Variants in C17orf114 observed in about 807,000 individuals in gnomAD.
C17orf114 encodes uncharacterized protein C17orf114.
At chr17:4,806,360 C>T (rs1672577725), upstream of C17orf114, among the ~76,000 whole-genome samples, 1 of 152,196 alleles carries the variant, frequency 6.6e-6, no homozygotes, top group African/African-American at 2.4e-5. Flanking sequence ...TCCACGCAAA[C>T]TTACAGGAAT....
chr17:4,801,876 G>A (rs578209566), intron 1 of C17orf114, among the ~76,000 whole-genome samples: 18 of 151,852 alleles, frequency 1.2e-4, no homozygotes, highest in African/African-American at 2.7e-4. Context: ...GACTACAGGC[G>A]CCCGCCACCA....
At chr17:4,803,255 G>A (rs762124842), upstream of C17orf114, among the ~76,000 whole-genome samples, 10 of 151,436 alleles carry the variant, frequency 6.6e-5, no homozygotes, top group Middle Eastern at 3.4e-3. Flanking sequence ...CACTGGTTAG[G>A]TGAGTCTATC....
chr17:4,802,138 G>A, intron 1 of C17orf114, 109 bp downstream of exon 1: 1 of 397,302 alleles, frequency 2.5e-6, no homozygotes, highest in South Asian at 1.4e-4. Context: ...CCCACCCAGG[G>A]AGACAGATGA....
exon 2 of C17orf114, chr17:4,801,262 T>TGG: frequency 2.5e-6 from 1 of 398,712 alleles, no homozygotes. Context: ...TAAGCCTTCC[T>TGG]GGAGGTTCAC....
upstream of C17orf114, among the ~76,000 whole-genome samples, chr17:4,805,012 A>T (rs1353083947): frequency 1.3e-5 from 2 of 152,192 alleles, no homozygotes; most frequent in Non-Finnish European, 2.9e-5. Flanking sequence ...CTATCAAAAT[A>T]CAGGGCATTC....
chr17:4,805,333 GCA>G (rs1272464540), upstream of C17orf114, among the ~76,000 whole-genome samples: 1 of 151,952 alleles, frequency 6.6e-6, no homozygotes, highest in Admixed American at 6.6e-5. Flanking sequence ...GGAGGCTGAG[GCA>G]GGAGAGAACC....
chr17:4,805,015 G>A (rs1905611033), upstream of C17orf114, among the ~76,000 whole-genome samples: 1 of 152,088 alleles, frequency 6.6e-6, no homozygotes, highest in Non-Finnish European at 1.5e-5. Context: ...TCAAAATACA[G>A]GGCATTCTTA....
upstream of C17orf114, among the ~76,000 whole-genome samples, chr17:4,804,603 CTTTTT>C (rs35194566): frequency 1.5e-5 from 2 of 134,566 alleles, no homozygotes; most frequent in East Asian, 2.2e-4. Context: ...ATGTTTCTTT[CTTTTT>C]TTTTTTTTTT....
upstream of C17orf114, among the ~76,000 whole-genome samples, chr17:4,804,647 G>A (rs538943184): frequency 6.0e-5 from 9 of 149,644 alleles, no homozygotes; most frequent in South Asian, 2.1e-4. Flanking sequence ...TCACCAGGCC[G>A]GAGTGTAGTG....
At chr17:4,804,936 T>C (rs547244837), upstream of C17orf114, among the ~76,000 whole-genome samples, 3 of 152,260 alleles carry the variant, frequency 2.0e-5, no homozygotes, top group East Asian at 3.9e-4. Flanking sequence ...TACAATGTAA[T>C]GCACACATCT....
At chr17:4,806,282 T>C (rs1905794329), upstream of C17orf114, among the ~76,000 whole-genome samples, 1 of 152,056 alleles carries the variant, frequency 6.6e-6, no homozygotes, top group African/African-American at 2.4e-5. Flanking sequence ...CAGTTTCTTA[T>C]AAGTTAAACA....
At chr17:4,803,503 C>A (rs1476241125), upstream of C17orf114, among the ~76,000 whole-genome samples, 1 of 133,480 alleles carries the variant, frequency 7.5e-6, no homozygotes, top group Non-Finnish European at 1.5e-5. Flanking sequence ...TGGCTCACTG[C>A]AAACTCTGCC....
chr17:4,804,486 G>A (rs1905593840), upstream of C17orf114, among the ~76,000 whole-genome samples: 1 of 152,004 alleles, frequency 6.6e-6, no homozygotes, highest in African/African-American at 2.4e-5. Context: ...TTCCAAGCGT[G>A]AGCCACTGCG....
upstream of C17orf114, among the ~76,000 whole-genome samples, chr17:4,804,584 T>A (rs1466293598): frequency 6.6e-6 from 1 of 151,016 alleles, no homozygotes; most frequent in Non-Finnish European, 1.5e-5. Flanking sequence ...CTGCCTGAGT[T>A]ACACAGAAAT....
upstream of C17orf114, among the ~76,000 whole-genome samples, chr17:4,802,721 C>T (rs1401961635): frequency 6.6e-6 from 1 of 151,874 alleles, no homozygotes; most frequent in East Asian, 1.9e-4. Context: ...AATTGAAGTG[C>T]CCAAGATGTA....
intron 1 of C17orf114, 25 bp downstream of exon 1, chr17:4,802,222 G>A (rs1321000706): frequency 2.8e-5 from 11 of 399,250 alleles, no homozygotes; most frequent in Admixed American, 4.4e-5. Context: ...TGACAGCCCC[G>A]CTTTACCCTC....
chr17:4,806,789 G>C (rs920693057), upstream of C17orf114: 7 of 151,008 alleles, frequency 4.6e-5, no homozygotes, highest in Admixed American at 4.0e-4. Flanking sequence ...CGGGCGCCGA[G>C]GCAGCGCCCG....
upstream of C17orf114, among the ~76,000 whole-genome samples, chr17:4,802,834 G>C (rs2150662630): frequency 6.6e-6 from 1 of 152,292 alleles, no homozygotes; most frequent in South Asian, 2.1e-4. Flanking sequence ...CCCCTGTTAT[G>C]AAGATGATTG....
Position 4,802,098 on chromosome 17 carries a change from C to T in C17orf114, c.73+149G>A, listed in dbSNP as rs1026657495. ...AACTGGGCCCTACAAAGTATTTAGCCTGTCCTGTGAGGACTTCGGTGATCC... is the reference window on the plus strand; with the variant it reads ...AACTGGGCCCTACAAAGTATTTAGCTTGTCCTGTGAGGACTTCGGTGATCC... On this transcript the variant is annotated intron_variant, in intron 1 of 1. Transcript: ENST00000635921. The T allele has an allele frequency of 1.3e-5, 5 of 394,394 alleles. No individual in the cohort carries two copies. The Admixed American group carries it at 2.2e-4, about 17-fold the overall frequency. The allele number at this position is 394,394 out of a possible 1,614,324, so 24.4% of individuals were successfully genotyped here. A position where few individuals can be genotyped will look rare whatever the true frequency, so the allele number is the denominator to read the frequency against.
Sources: gnomAD v4.1 joint callset for allele counts (sites outside exome capture counted in the v4.1 genomes callset) on GRCh38, gnomAD v4.1.1 for gene constraint, MANE v1.5 for transcripts, NCBI Gene and HGNC (gene_info 2026-07-23, HGNC 2026-07-21) for gene names.